RAMP3: variants seen among roughly 807,000 people sequenced by gnomAD.
RAMP3 encodes the protein receptor activity modifying protein 3.
In RAMP3, 14 loss-of-function variants were observed where a neutral mutation model predicts 13.5. The ratio of observed to expected loss-of-function variants is 1.04; its 90% CI spans 0.69 to 1.63. RAMP3 has a LOEUF of 1.63. Among genes scored for constraint, RAMP3 ranks in the 40% most tolerant of loss-of-function variants. The probability of loss-of-function intolerance (pLI) is 0.00; values close to 1 mark genes in which losing one functional copy is unlikely to be tolerated. For missense variants in RAMP3, 200 were observed against 204.8 expected, an observed-to-expected ratio of 0.98 and a Z score of 0.14; for synonymous variants, 106 against 88.3, an observed-to-expected ratio of 1.20 and a Z score of -1.12.
At chr7:45,162,172 G>A (rs1415060790) in intron 1 of RAMP3, among the ~76,000 whole-genome samples, 1 of 152,206 alleles carries the variant, frequency 6.6e-6, no homozygotes, top group Non-Finnish European at 1.5e-5. Flanking sequence ...GCAGAGGGAG[G>A]CCTTGGGAAA....
At chr7:45,182,965 G>T (rs987794763) in intron 2 of RAMP3, among the ~76,000 whole-genome samples, 192 bp from the exon 3 acceptor site, 18 of 152,152 alleles carry the variant, frequency 1.2e-4, no homozygotes, top group African/African-American at 4.1e-4. Context: ...AATGTGGGCA[G>T]GGGACACAGG....
In RAMP3 at chr7:45,163,209, C is replaced by T. The variant is rs1019088035; in HGVS notation, c.58+5323C>T. The T allele has an allele frequency of 5.5e-5, 54 of 985,274 alleles. No homozygotes were observed. In the Admixed American group the frequency reaches 7.4e-4, roughly 13 times the overall value. 61.0% of individuals were successfully genotyped at this position (985,274 alleles called of 1,614,324 possible). On this transcript the variant is annotated intron_variant, in intron 1 of 2. Coordinates refer to ENST00000242249, the MANE Select transcript of RAMP3 (RefSeq NM_005856.3). ...GTGCAGTTGACTCTGCTGGGTCTGTCCTATCTCTGGTGGCTGCCCTGAAAG... is the reference window on the plus strand; with the variant it reads ...GTGCAGTTGACTCTGCTGGGTCTGTTCTATCTCTGGTGGCTGCCCTGAAAG...
At chr7:45,177,527 C>T (rs1171010347) in intron 2 of RAMP3, 86 bp downstream of exon 2, 9 of 1,579,286 alleles carry the variant, frequency 5.7e-6, no homozygotes, top group Non-Finnish European at 7.8e-6. Flanking sequence ...CCTGACCGCA[C>T]TCTACCCAAG....
chr7:45,158,728 G>T (rs183689720), intron 1 of RAMP3, among the ~76,000 whole-genome samples: 2 of 152,308 alleles, frequency 1.3e-5, no homozygotes, highest in Non-Finnish European at 2.9e-5. Flanking sequence ...CTGGCTGTAA[G>T]ATGCAGAGTT....
intron 1 of RAMP3, among the ~76,000 whole-genome samples, chr7:45,160,506 T>C (rs1300074172): frequency 6.6e-6 from 1 of 151,982 alleles, no homozygotes; most frequent in Non-Finnish European, 1.5e-5. Context: ...GAGAGGAAGT[T>C]GCCCAACCAC....
chr7:45,178,883 T>C (rs1185761873), intron 2 of RAMP3, among the ~76,000 whole-genome samples: 1 of 152,216 alleles, frequency 6.6e-6, no homozygotes, highest in Admixed American at 6.5e-5. Flanking sequence ...CAAGAGCCAC[T>C]GACTGAGTGC....
chr7:45,168,960 T>C (rs1199070997), intron 1 of RAMP3, among the ~76,000 whole-genome samples: 1 of 152,192 alleles, frequency 6.6e-6, no homozygotes, highest in Non-Finnish European at 1.5e-5. Flanking sequence ...CCATTCCTAA[T>C]ATATTGAGTG....
chr7:45,163,564 G>T (rs1401569635), intron 1 of RAMP3: 24 of 985,276 alleles, frequency 2.4e-5, no homozygotes, highest in Non-Finnish European at 2.8e-5. Flanking sequence ...GGTGGGACAA[G>T]CTGGAGGCTG....
Position 45,183,998 on chromosome 7 carries a change from G to A in RAMP3, c.*586G>A, listed in dbSNP as rs1382576331. The A allele has an allele frequency of 7.2e-6, 3 of 413,898 alleles. No individual in the cohort carries two copies. The highest frequency in any genetic ancestry group is 1.3e-5 in the Non-Finnish European group (3 of 234,138). 25.6% of individuals were successfully genotyped at this position (413,898 alleles called of 1,614,324 possible). A position where few individuals can be genotyped will look rare whatever the true frequency, so the allele number is the denominator to read the frequency against. On this transcript the variant is annotated 3_prime_UTR_variant, in exon 3 of 3. Transcript: ENST00000242249. ...AGGGAGGGGCTGGGGGTTCCCAGGA[G>A]CCATGCGTGGCCTGCAGAGTCCATT...
chr7:45,177,487 G>A, intron 2 of RAMP3, 46 bp downstream of exon 2: 2 of 1,610,106 alleles, frequency 1.2e-6, no homozygotes, highest in Non-Finnish European at 1.7e-6. Flanking sequence ...CCACAGCGCT[G>A]CCCACTGCCC....
chr7:45,183,667 G>T lies in RAMP3; in HGVS notation c.*255G>T. The T allele has an allele frequency of 1.7e-6, 1 of 599,274 alleles. No individual in the cohort carries two copies. The highest frequency in any genetic ancestry group is 3.0e-6 in the Non-Finnish European group (1 of 338,516). The allele number at this position is 599,274 out of a possible 1,614,324, so 37.1% of individuals were successfully genotyped here. A position where few individuals can be genotyped will look rare whatever the true frequency, so the allele number is the denominator to read the frequency against. On this transcript the variant is annotated 3_prime_UTR_variant, in exon 3 of 3. Transcript: ENST00000242249. ...GGAAAATGTGATAAGGCCAGAGCTT[G>T]TGTGCTGGGCACAGAAATCACCTGC...
intron 1 of RAMP3, chr7:45,163,843 C>A: frequency 1.0e-6 from 1 of 985,366 alleles, no homozygotes; most frequent in Non-Finnish European, 1.2e-6. Flanking sequence ...CAGAAGGACA[C>A]GGGCCTCCAT....
At chr7:45,179,793 A>G (rs1421552965) in intron 2 of RAMP3, among the ~76,000 whole-genome samples, 1 of 152,206 alleles carries the variant, frequency 6.6e-6, no homozygotes, top group African/African-American at 2.4e-5. Context: ...GCCCGGTACT[A>G]GCACGAGGGA....
intron 2 of RAMP3, among the ~76,000 whole-genome samples, chr7:45,181,781 G>T (rs1378521672): frequency 6.6e-6 from 1 of 152,168 alleles, no homozygotes; most frequent in African/African-American, 2.4e-5. Context: ...CATGTCTCAG[G>T]TGCTGCATTG....
At chr7:45,180,186 C>G (rs922562285) in intron 2 of RAMP3, among the ~76,000 whole-genome samples, 5 of 152,246 alleles carry the variant, frequency 3.3e-5, no homozygotes, top group Non-Finnish European at 5.9e-5. Context: ...GGAGCCAAGG[C>G]AGGAGAGGGA....
At chr7:45,163,963 T>A (rs2128655452) in intron 1 of RAMP3, 1 of 886,882 alleles carries the variant, frequency 1.1e-6, no homozygotes, top group African/African-American at 1.8e-5. Context: ...TTGGGTTAAG[T>A]GGGAGAGTAC....
chr7:45,167,666 C>A (rs1161332946), intron 1 of RAMP3, among the ~76,000 whole-genome samples: 1 of 151,658 alleles, frequency 6.6e-6, no homozygotes, highest in African/African-American at 2.4e-5. Context: ...CGGGTTCAAG[C>A]GATTCTCCTG....
rs922599471 is a variant in RAMP3, at chr7:45,183,769, C to T, written c.*357C>T. Reference sequence around the variant, plus strand: ...TGCTGTTTCTTAGCACAGAATCCAGCCTAGCCTTAGCCGCAGTCTAGGCCC... The same window carrying T: ...TGCTGTTTCTTAGCACAGAATCCAGTCTAGCCTTAGCCGCAGTCTAGGCCC... On this transcript the variant is annotated 3_prime_UTR_variant, in exon 3 of 3. Transcript: ENST00000242249. 2 of 542,344 alleles carry T rather than the reference C, an allele frequency of 3.7e-6. No homozygotes were observed. The highest frequency in any genetic ancestry group is 3.8e-5 in the African/African-American group (2 of 53,304). 33.6% of individuals were successfully genotyped at this position (542,344 alleles called of 1,614,324 possible). A position where few individuals can be genotyped will look rare whatever the true frequency, so the allele number is the denominator to read the frequency against.
At position 45,181,266 on chromosome 7, in the gene RAMP3, A is replaced by G. The variant is rs549505022; in HGVS notation, c.192-1891A>G. Among the ~76,000 whole-genome samples the G allele has an allele frequency of 5.9e-5, 9 of 152,352 alleles. No homozygotes were observed. The East Asian group carries it at 1.5e-3, about 26-fold the overall frequency. On this transcript the variant is annotated intron_variant, in intron 2 of 2. Transcript: ENST00000242249. Reference sequence around the variant, plus strand: ...GGCTCTGCAACCTGAGCCTGAAGCCACTGTCCATGCTGTCTTCTGGGATTA... The same window carrying G: ...GGCTCTGCAACCTGAGCCTGAAGCCGCTGTCCATGCTGTCTTCTGGGATTA...
Sources: gnomAD v4.1 joint callset for allele counts (sites outside exome capture counted in the v4.1 genomes callset) on GRCh38, gnomAD v4.1.1 for gene constraint, MANE v1.5 for transcripts, NCBI Gene and HGNC (gene_info 2026-07-23, HGNC 2026-07-21) for gene names.